Variants in ARFGEF3 observed in about 807,000 individuals in gnomAD.
ARFGEF3 encodes brefeldin A-inhibited guanine nucleotide-exchange protein 3.
Under a neutral mutation model 221.7 loss-of-function variants are expected in ARFGEF3, and 96 were observed. The observed-to-expected ratio is 0.43, with a 90% CI of 0.37 to 0.51. ARFGEF3 has a LOEUF of 0.51. ARFGEF3 is among the 20% of genes least tolerant of loss of function. The pLI is 0.00. For synonymous variants in ARFGEF3, 1,145 were observed against 1,126.8 expected (o/e 1.02, Z -0.32); for missense variants, 2,410 against 2,789.9 (o/e 0.86, Z 3.07).
rs374834660 is a variant in ARFGEF3 at position 138,255,578 on chromosome 6, T to C, written c.913T>C (p.Ser305Pro). ...SPGVSDHGRG[S>P]GCSCTAPALS... ...GGGAGTGTCTGACCACGGCCGAGGA[T>C]CAGGCTGCTCCTGCACTGCGCCGGC... Residue 305 changes from serine to proline, a missense_variant, in exon 10 of 34, where the codon TCA (serine) becomes CCA (proline). This residue lies in a region of ARFGEF3 where 570 missense variants were observed against 586.9 expected (regional missense o/e 0.97). Transcript: ENST00000251691. The C allele has an allele frequency of 1.9e-6, 3 of 1,613,776 alleles. No individual in the cohort carries two copies. Among genetic ancestry groups the C allele is most frequent in the Non-Finnish European group, 2.5e-6 (3 of 1,179,876 alleles).
At chr6:138,325,610 C>T (rs1457534548) in intron 31 of ARFGEF3, among the ~76,000 whole-genome samples, 1 of 152,214 alleles carries the variant, frequency 6.6e-6, no homozygotes. Context: ...GAAGTGAGAA[C>T]AGAGAAACCA....
intron 2 of ARFGEF3, among the ~76,000 whole-genome samples, chr6:138,197,536 A>T (rs1196878784): frequency 6.6e-6 from 1 of 152,222 alleles, no homozygotes; most frequent in Non-Finnish European, 1.5e-5. Flanking sequence ...ATTTGTTTAC[A>T]CTGGCATCAC....
intron 2 of ARFGEF3, among the ~76,000 whole-genome samples, chr6:138,182,645 ACT>A (rs1777101370): frequency 6.6e-6 from 1 of 152,140 alleles, no homozygotes; most frequent in Non-Finnish European, 1.5e-5. Context: ...GATAAAAGAG[ACT>A]CTAGTCTGGA....
chr6:138,190,150 A>C (rs2114465937), intron 2 of ARFGEF3, among the ~76,000 whole-genome samples: 1 of 152,220 alleles, frequency 6.6e-6, no homozygotes, highest in South Asian at 2.1e-4. Context: ...AAGGCAGTTC[A>C]CTTGCTTGGT....
At chr6:138,255,409 G>A in intron 9 of ARFGEF3, 27 bp from the exon 10 acceptor site, 1 of 1,531,492 alleles carries the variant, frequency 6.5e-7, no homozygotes, top group African/African-American at 1.4e-5. Context: ...CGTGGGGAAA[G>A]TTACTTTTCT....
chr6:138,162,575 G>C lies in ARFGEF3; in HGVS notation c.85+404G>C, dbSNP rs1353328192. Among the ~76,000 whole-genome samples the C allele has an allele frequency of 6.6e-6, 1 of 152,228 alleles. No homozygotes were observed. The highest frequency in any genetic ancestry group is 1.9e-4 in the East Asian group (1 of 5,194). On this transcript the variant is annotated intron_variant, in intron 1 of 33. Coordinates refer to ENST00000251691, the MANE Select transcript of ARFGEF3 (RefSeq NM_020340.5). The surrounding 1 kb of genome is among the most constrained non-coding windows in gnomAD (Gnocchi z 4.7). ...AACCCCGATGTCGAATCCTTGGCGA[G>C]TGGAACCAGGAAGGAAAGGCTTGTT...
intron 22 of ARFGEF3, 79 bp downstream of exon 22, chr6:138,298,864 C>A: frequency 9.7e-7 from 1 of 1,030,320 alleles, no homozygotes; most frequent in Non-Finnish European, 1.4e-6. Context: ...GAGCTTCGCA[C>A]ACTTACTCTT....
chr6:138,192,441 C>T (rs1168735036), intron 2 of ARFGEF3, among the ~76,000 whole-genome samples: 4 of 152,118 alleles, frequency 2.6e-5, no homozygotes, highest in Admixed American at 6.5e-5. Flanking sequence ...GAGCCAAGAT[C>T]GCACCATTGC....
At chr6:138,336,262 A>T in intron 33 of ARFGEF3, 33 bp from the exon 34 acceptor site, 1 of 1,457,218 alleles carries the variant, frequency 6.9e-7, no homozygotes, top group Non-Finnish European at 9.2e-7. Flanking sequence ...CCAGGGGGGA[A>T]AGCCACTGAT....
chr6:138,322,970 G>A (rs903115147), intron 29 of ARFGEF3, among the ~76,000 whole-genome samples: 1 of 151,520 alleles, frequency 6.6e-6, no homozygotes, highest in East Asian at 2.0e-4. Context: ...ATCCTCCAAG[G>A]TGGACAGGCA....
chr6:138,162,166 C>T lies in ARFGEF3; in HGVS notation c.80C>T (p.Ala27Val). The T allele has an allele frequency of 6.3e-7, 1 of 1,598,016 alleles. No homozygotes were observed. Among genetic ancestry groups the T allele is most frequent in the Non-Finnish European group, 8.5e-7 (1 of 1,171,606 alleles). Reference protein sequence around the residue: ...YKAIKESCTWALETLGGLDTI... With the variant: ...YKAIKESCTWVLETLGGLDTI... Reference sequence around the variant, plus strand: ...GCCATCAAGGAGAGCTGCACCTGGGCCCTGGGTAAGCGTCCGGCACCTGCT... The same window carrying T: ...GCCATCAAGGAGAGCTGCACCTGGGTCCTGGGTAAGCGTCCGGCACCTGCT... Residue 27 changes from alanine (A) to valine (V), a missense_variant, in exon 1 of 34, where the codon GCC becomes GTC. Ala to Val is a moderately conservative substitution (Grantham distance 64, BLOSUM62 0). This residue lies in a region of ARFGEF3 where 570 missense variants were observed against 586.9 expected (regional missense o/e 0.97). Coordinates refer to ENST00000251691, the MANE Select transcript of ARFGEF3 (RefSeq NM_020340.5). This position sits in a 1 kb window ranked among gnomAD's most constrained non-coding sequence, Gnocchi z 4.7.
intron 12 of ARFGEF3, among the ~76,000 whole-genome samples, chr6:138,277,307 C>T (rs1562376844): frequency 6.6e-6 from 1 of 152,176 alleles, no homozygotes; most frequent in African/African-American, 2.4e-5. Flanking sequence ...AACGCCATTC[C>T]TTTTCATGGC....
At chr6:138,311,541 C>G (rs749339846) in intron 25 of ARFGEF3, 31 bp downstream of exon 25, 26 of 1,468,082 alleles carry the variant, frequency 1.8e-5, no homozygotes, top group Non-Finnish European at 2.4e-5. Context: ...GGCTCCCGGC[C>G]TGGAAACCTG....
At chr6:138,225,299 G>T (rs1778062386) in intron 4 of ARFGEF3, among the ~76,000 whole-genome samples, 1 of 152,206 alleles carries the variant, frequency 6.6e-6, no homozygotes, top group African/African-American at 2.4e-5. Flanking sequence ...AGTTCCAACT[G>T]ATCTTTCCAG....
intron 2 of ARFGEF3, 92 bp from the exon 3 acceptor site, chr6:138,206,950 T>A (rs1003947943): frequency 3.2e-5 from 28 of 866,212 alleles, no homozygotes; most frequent in Middle Eastern, 2.1e-4. Context: ...ATGTGTGTAG[T>A]GGCATTTGGG....
chr6:138,285,013 T>C (rs1048985607), intron 14 of ARFGEF3, among the ~76,000 whole-genome samples: 6 of 152,208 alleles, frequency 3.9e-5, no homozygotes, highest in Admixed American at 3.9e-4. Context: ...GGGACCAATG[T>C]CTTATATGCA....
chr6:138,167,484 C>T (rs1346040991), intron 1 of ARFGEF3, among the ~76,000 whole-genome samples: 1 of 152,248 alleles, frequency 6.6e-6, no homozygotes, highest in Non-Finnish European at 1.5e-5. Flanking sequence ...CTCTACCTCA[C>T]TGCCCAACCT....
At position 138,286,060 on chromosome 6, in the gene ARFGEF3, AC is replaced by A; in HGVS notation, c.2569+8del. ...GATGACTCCACAGTGGCAGGTAATG[AC>A]TTGGGTCTTGAGTTTATGAACATCC... On this transcript the variant is annotated splice_region_variant and intron_variant, in intron 15 of 33. Coordinates refer to ENST00000251691, the MANE Select transcript of ARFGEF3 (RefSeq NM_020340.5). 1 of 1,536,206 alleles carries A rather than the reference AC, an allele frequency of 6.5e-7. No homozygotes were observed.
At chr6:138,209,839 T>C (rs1777689457) in intron 3 of ARFGEF3, 71 bp from the exon 4 acceptor site, 7 of 1,565,652 alleles carry the variant, frequency 4.5e-6, no homozygotes, top group Non-Finnish European at 6.1e-6. Flanking sequence ...CATCAATCCA[T>C]AATAAGATAC....
Sources: allele counts gnomAD v4.1 joint callset (sites outside exome capture counted in the v4.1 genomes callset), GRCh38; gene constraint gnomAD v4.1.1; regional missense constraint gnomAD v4.1.1; non-coding constraint Gnocchi (gnomAD v3.1); transcripts MANE v1.5; gene names NCBI Gene and HGNC (gene_info 2026-07-23, HGNC 2026-07-21).